The following C7orf57 variants were observed in gnomAD, a reference collection of about 807,000 sequenced individuals.
C7orf57 encodes the protein chromosome 7 open reading frame 57, also known as uncharacterized protein C7orf57.
In C7orf57, 33 loss-of-function variants were observed where a neutral mutation model predicts 39.0. The observed-to-expected ratio is 0.85, with a 90% confidence interval of 0.64 to 1.13. C7orf57 has a LOEUF of 1.13. Among genes scored for constraint, C7orf57 ranks in the 50% most tolerant of loss-of-function variants. C7orf57 has a pLI of 0.00. For synonymous variants in C7orf57, 124 were observed against 137.1 expected (o/e 0.90, Z 0.67); for missense variants, 346 against 362.3 (o/e 0.95, Z 0.37).
chr7:48,050,360 C>A (rs908266860), intron 6 of C7orf57, among the ~76,000 whole-genome samples: 1 of 152,216 alleles, frequency 6.6e-6, no homozygotes, highest in African/African-American at 2.4e-5. Context: ...AAGGCCTGAA[C>A]TGAGGTGTCC....
chr7:48,053,651 A>G (rs905362959), intron 7 of C7orf57, among the ~76,000 whole-genome samples: 4 of 152,002 alleles, frequency 2.6e-5, no homozygotes, highest in African/African-American at 7.2e-5. Context: ...AGGCCTCACT[A>G]TATTGCCCCG....
intron 8 of C7orf57, among the ~76,000 whole-genome samples, chr7:48,055,852 T>C (rs1261931560): frequency 2.0e-5 from 3 of 152,206 alleles, no homozygotes; most frequent in African/African-American, 7.2e-5. Flanking sequence ...ACATTTTTTT[T>C]CCTTATTCAT....
intron 8 of C7orf57, among the ~76,000 whole-genome samples, chr7:48,058,744 A>G (rs972654342): frequency 2.0e-5 from 3 of 152,216 alleles, no homozygotes; most frequent in Non-Finnish European, 4.4e-5. Flanking sequence ...CAGGTACAGA[A>G]GATCACCTTC....
At chr7:48,045,581 C>T (rs1283149165) in intron 4 of C7orf57, among the ~76,000 whole-genome samples, 1 of 152,200 alleles carries the variant, frequency 6.6e-6, no homozygotes, top group Non-Finnish European at 1.5e-5. Context: ...TCGACCTTGC[C>T]CTTGGTGCCC....
chr7:48,041,595 A>T (rs1338757302), intron 3 of C7orf57, 76 bp downstream of exon 3: 2 of 1,191,972 alleles, frequency 1.7e-6, no homozygotes, highest in Admixed American at 2.8e-5. Context: ...AATTTCTTCC[A>T]TATAAAAATA....
intron 6 of C7orf57, 51 bp downstream of exon 6, chr7:48,050,028 C>A: frequency 1.0e-5 from 13 of 1,289,292 alleles, no homozygotes; most frequent in Non-Finnish European, 1.4e-5. Flanking sequence ...TGGGTTTGGC[C>A]TTCCGTCTTT....
In C7orf57 at chr7:48,038,653, T is replaced by C. The variant is rs542774598; in HGVS notation, c.55+2290T>C. 6.6e-5 allele frequency among the ~76,000 whole-genome samples: 10 copies of C among 152,282 alleles called. No homozygotes were observed. In the East Asian group the frequency reaches 1.2e-3, roughly 18 times the overall value. ...AAAGAGTCAAACTCTGTAAAATATTTAAAGAGGTTTATTCTAAGCCAAATA... is the reference window on the plus strand; with the variant it reads ...AAAGAGTCAAACTCTGTAAAATATTCAAAGAGGTTTATTCTAAGCCAAATA... On this transcript the variant is annotated intron_variant, in intron 2 of 8. Transcript: ENST00000348904.
intron 4 of C7orf57, among the ~76,000 whole-genome samples, chr7:48,045,184 A>G (rs995924722): frequency 2.6e-5 from 4 of 152,230 alleles, no homozygotes; most frequent in African/African-American, 9.6e-5. Context: ...GTCCTGGGAC[A>G]GGCAGAGGAT....
chr7:48,059,631 G>A (rs1343472392), intron 8 of C7orf57, among the ~76,000 whole-genome samples: 2 of 152,196 alleles, frequency 1.3e-5, no homozygotes, highest in African/African-American at 4.8e-5. Flanking sequence ...GTTTATAGGC[G>A]TGAGCCACCA....
At chr7:48,039,015 C>T (rs549047662) in intron 2 of C7orf57, among the ~76,000 whole-genome samples, 2 of 152,198 alleles carry the variant, frequency 1.3e-5, no homozygotes, top group East Asian at 3.9e-4. Flanking sequence ...TTTTGTCATG[C>T]AGATGAAGTC....
rs1302178204 is a variant in C7orf57 at position 48,035,761 on chromosome 7, G to T, written c.-102+131G>T. The T allele has an allele frequency of 6.8e-6, 4 of 584,212 alleles. No homozygotes were observed. The highest frequency in any genetic ancestry group is 1.2e-5 in the Non-Finnish European group (4 of 330,166). 36.2% of individuals were successfully genotyped at this position (584,212 alleles called of 1,614,324 possible). A position where few individuals can be genotyped will look rare whatever the true frequency, so the allele number is the denominator to read the frequency against. On this transcript the variant is annotated intron_variant, in intron 1 of 8. Transcript: ENST00000348904. The surrounding 1 kb of genome is among the most constrained non-coding windows in gnomAD (Gnocchi z 4.0). ...GAGGGGACCACCTTGTCGCCGGGTT[G>T]GGATGAGCACAGGGCGGGATCTCCA...
intron 6 of C7orf57, among the ~76,000 whole-genome samples, chr7:48,051,871 C>CTTTCTT (rs1351775237): frequency 9.4e-5 from 3 of 31,854 alleles, no homozygotes; most frequent in African/African-American, 2.8e-4. Flanking sequence ...TTCTTTCTTT[C>CTTTCTT]TCTTTCTCTT....
At chr7:48,037,270 T>C (rs1284332792) in intron 2 of C7orf57, among the ~76,000 whole-genome samples, 2 of 152,202 alleles carry the variant, frequency 1.3e-5, no homozygotes, top group Non-Finnish European at 2.9e-5. Flanking sequence ...CTTGTCTGTA[T>C]GAACAGCAGT....
At chr7:48,051,819 CTTT>C (rs1790926317) in intron 6 of C7orf57, among the ~76,000 whole-genome samples, 1 of 11,468 alleles carries the variant, frequency 8.7e-5, no homozygotes. Context: ...TTTCTCTTCT[CTTT>C]CTTTCTTTCT....
At chr7:48,052,619 T>G (rs1790988491) in intron 6 of C7orf57, 81 bp from the exon 7 acceptor site, 1 of 1,152,704 alleles carries the variant, frequency 8.7e-7, no homozygotes, top group Non-Finnish European at 1.3e-6. Context: ...CACCTCCTAT[T>G]TGGTGTGTTC....
chr7:48,038,042 A>T (rs1790435759), intron 2 of C7orf57, among the ~76,000 whole-genome samples: 2 of 152,206 alleles, frequency 1.3e-5, no homozygotes, highest in Admixed American at 1.3e-4. Flanking sequence ...CGGAGTATGA[A>T]GCTGCTAAAT....
At chr7:48,036,130 T>C (rs1790349006) in intron 1 of C7orf57, 78 bp from the exon 2 acceptor site, 1 of 676,374 alleles carries the variant, frequency 1.5e-6, no homozygotes, top group Non-Finnish European at 2.7e-6. Flanking sequence ...CGCTAGGCGA[T>C]CGTAAGGCGC....
intron 3 of C7orf57, among the ~76,000 whole-genome samples, chr7:48,042,416 T>C (rs748598890): frequency 6.6e-5 from 10 of 152,190 alleles, no homozygotes; most frequent in Admixed American, 1.3e-4. Flanking sequence ...TGTGCCATGA[T>C]TATGTCAGGA....
At chr7:48,055,845 T>A (rs1439119353) in intron 8 of C7orf57, among the ~76,000 whole-genome samples, 1 of 152,070 alleles carries the variant, frequency 6.6e-6, no homozygotes, top group South Asian at 2.1e-4. Flanking sequence ...ATATACCACA[T>A]TTTTTTTCCT....
Sources: gnomAD v4.1 joint callset for allele counts (sites outside exome capture counted in the v4.1 genomes callset) on GRCh38, gnomAD v4.1.1 for gene constraint, Gnocchi (gnomAD v3.1) non-coding constraint, MANE v1.5 for transcripts, NCBI Gene and HGNC (gene_info 2026-07-23, HGNC 2026-07-21) for gene names.